The following IMPDH2 variants were observed in gnomAD, a reference collection of about 807,000 sequenced individuals.
IMPDH2 encodes the protein inosine-5'-monophosphate dehydrogenase 2.
A neutral mutation model predicts 57.8 loss-of-function variants in IMPDH2; 33 were observed. The observed-to-expected ratio is 0.57, with a 90% CI of 0.43 to 0.76. The LOEUF (loss-of-function observed/expected upper bound fraction) is 0.76, where lower values mean the gene tolerates loss of function less well. Ranked by LOEUF, IMPDH2 falls within the 30% of genes least tolerant of loss-of-function variation. The probability of loss-of-function intolerance (pLI) is 0.00; values close to 1 mark genes in which losing one functional copy is unlikely to be tolerated. For synonymous variants in IMPDH2, 270 were observed against 241.3 expected (o/e 1.12, Z -1.10); for missense variants, 446 against 659.1 (o/e 0.68, Z 3.54).
chr3:49,027,865 G>A lies in IMPDH2; in HGVS notation c.376C>T (p.Arg126Cys), dbSNP rs775921073. 20 of 1,614,064 alleles carry A rather than the reference G, an allele frequency of 1.2e-5. No individual in the cohort carries two copies. The Admixed American group carries it at 1.7e-4, about 13-fold the overall frequency. The change falls in exon 5 of 14, where the codon CGC (arginine) becomes TGC (cysteine). Residue 126 changes from arginine (R) to cysteine (C), a missense_variant. Arg to Cys is a radical substitution (Grantham distance 180). Transcript: ENST00000326739. ...TTGGCCTCAAAAACATCCCGCACGC[G>A]ATCCTTGGGGCTGAGGACCACAGGG... ...TDPVVLSPKDRVRDVFEAKAR... is the reference protein window; with the variant it reads ...TDPVVLSPKDCVRDVFEAKAR...
Position 49,024,911 on chromosome 3 carries a change from T to C in IMPDH2, c.1280A>G (p.Gln427Arg). 5 of 1,614,256 alleles carry C rather than the reference T, an allele frequency of 3.1e-6. No individual in the cohort carries two copies. Among genetic ancestry groups the C allele is most frequent in the Non-Finnish European group, 4.2e-6 (5 of 1,180,036 alleles). Residue 427 changes from glutamine to arginine, a missense_variant, in exon 11 of 14, where the codon CAG becomes CGG. Coordinates refer to ENST00000326739, the MANE Select transcript of IMPDH2 (RefSeq NM_000884.3). ...LDAMDKHLSSQNRYFSEADKI... is the reference protein window; with the variant it reads ...LDAMDKHLSSRNRYFSEADKI... ...CCTGTCCCACCTGAAATATCTGTTCTGGCTGCTGAGGTGCTTGTCCATGGC... is the reference window on the plus strand; with the variant it reads ...CCTGTCCCACCTGAAATATCTGTTCCGGCTGCTGAGGTGCTTGTCCATGGC...
intron 5 of IMPDH2, 48 bp from the exon 6 acceptor site, chr3:49,027,095 C>A (rs190064444): frequency 3.1e-4 from 426 of 1,377,126 alleles, no homozygotes; most frequent in Non-Finnish European, 4.2e-4. Flanking sequence ...CGACTATGAC[C>A]AGTTAACTCT....
chr3:49,028,275 G>C lies in IMPDH2; in HGVS notation c.297C>G (p.Phe99Leu). The change falls in exon 4 of 14, where the codon TTC becomes TTG. Residue 99 changes from phenylalanine (F) to leucine (L), a missense_variant. By Grantham distance (22) the Phe-to-Leu change is conservative. Transcript: ENST00000326739. Reference sequence around the variant, plus strand: ...TCACTTTCCGAACTTCATTGGCCTGGAATTCAGGTGTACAGTTGTGGTGGA... The same window carrying C: ...TCACTTTCCGAACTTCATTGGCCTGCAATTCAGGTGTACAGTTGTGGTGGA... ...GFIHHNCTPEFQANEVRKVKK... is the reference protein window; with the variant it reads ...GFIHHNCTPELQANEVRKVKK... The C allele has an allele frequency of 6.2e-7, 1 of 1,614,146 alleles. No individual in the cohort carries two copies. The highest frequency in any genetic ancestry group is 1.1e-5 in the South Asian group (1 of 91,082).
intron 9 of IMPDH2, chr3:49,025,859 C>T: frequency 4.8e-6 from 2 of 413,040 alleles, no homozygotes; most frequent in Non-Finnish European, 9.7e-6. Context: ...TTGAGCACCA[C>T]CCCCAAACCA....
chr3:49,024,435 G>A (rs2093188051), intron 13 of IMPDH2, 31 bp from the exon 14 acceptor site: 2 of 1,614,078 alleles, frequency 1.2e-6, no homozygotes, highest in South Asian at 1.1e-5. Flanking sequence ...TGTGAGGTGA[G>A]GGCAGGAGAA....
intron 4 of IMPDH2, 102 bp from the exon 5 acceptor site, chr3:49,028,018 G>A: frequency 1.0e-6 from 1 of 960,282 alleles, no homozygotes; most frequent in Non-Finnish European, 1.6e-6. Context: ...CTTTGGCAGT[G>A]CCACAAGACC....
chr3:49,026,415 G>C lies in IMPDH2; in HGVS notation c.915C>G (p.Val305=), dbSNP rs11557546. Residue 305 remains valine (V), a synonymous_variant, in exon 9 of 14, where the codon GTC becomes GTG. Transcript: ENST00000326739. ...PNLQVIGGNV[V]TAAQAKNLID... ...TGAGGTTCTTGGCCTGGGCAGCAGT[G>C]ACCACTATGGTGAAGGAAAGGAAAA... 372 of 1,613,308 alleles carry C rather than the reference G, an allele frequency of 2.3e-4. 1 individual carries two copies. The highest frequency in any genetic ancestry group is 7.0e-5 in the Non-Finnish European group (83 of 1,179,590).
chr3:49,027,622 G>T, intron 5 of IMPDH2, 88 bp downstream of exon 5: 3 of 1,094,664 alleles, frequency 2.7e-6, no homozygotes, highest in Non-Finnish European at 4.2e-6. Context: ...AGAGAGAAGA[G>T]GCTATCAGAG....
chr3:49,027,417 A>G (rs945198696), intron 5 of IMPDH2, among the ~76,000 whole-genome samples: 4 of 152,228 alleles, frequency 2.6e-5, no homozygotes, highest in Non-Finnish European at 5.9e-5. Flanking sequence ...CTCTTACACT[A>G]TGGAATAAGG....
At chr3:49,029,004 G>A (rs1454803079) in intron 1 of IMPDH2, 198 bp from the exon 2 acceptor site, 2 of 651,992 alleles carry the variant, frequency 3.1e-6, no homozygotes, top group Non-Finnish European at 5.6e-6. Flanking sequence ...CAGTGCTCCT[G>A]GCACCCTGAC....
At position 49,027,865 on chromosome 3, in the gene IMPDH2, G is replaced by C. The variant is rs775921073; in HGVS notation, c.376C>G (p.Arg126Gly). Residue 126 changes from arginine (R) to glycine (G), a missense_variant, in exon 5 of 14, where the codon CGC (arginine) becomes GGC (glycine). Arg to Gly is a moderately radical substitution (Grantham distance 125, BLOSUM62 -2). Transcript: ENST00000326739. ...TTGGCCTCAAAAACATCCCGCACGCGATCCTTGGGGCTGAGGACCACAGGG... is the reference window on the plus strand; with the variant it reads ...TTGGCCTCAAAAACATCCCGCACGCCATCCTTGGGGCTGAGGACCACAGGG... Reference protein sequence around the residue: ...TDPVVLSPKDRVRDVFEAKAR... With the variant: ...TDPVVLSPKDGVRDVFEAKAR... 1.1e-5 allele frequency: 18 copies of C among 1,614,182 alleles called. No individual in the cohort carries two copies. Among genetic ancestry groups the C allele is most frequent in the Non-Finnish European group, 1.5e-5 (18 of 1,180,020 alleles).
chr3:49,026,453 G>A (rs2093199996), intron 8 of IMPDH2, 34 bp from the exon 9 acceptor site: 1 of 1,605,938 alleles, frequency 6.2e-7, no homozygotes, highest in Admixed American at 1.7e-5. Flanking sequence ...CTCATGTGAA[G>A]GTTAAGGTGG....
rs749069763 is a variant in IMPDH2 at position 49,026,422 on chromosome 3, A to G, written c.911-3T>C. On this transcript the variant is annotated splice_polypyrimidine_tract_variant and splice_region_variant and intron_variant, in intron 8 of 13. Coordinates refer to ENST00000326739, the MANE Select transcript of IMPDH2 (RefSeq NM_000884.3). ...CTTGGCCTGGGCAGCAGTGACCACT[A>G]TGGTGAAGGAAAGGAAAATGCTCAT... The G allele has an allele frequency of 1.2e-6, 2 of 1,613,256 alleles. No homozygotes were observed. Among genetic ancestry groups the G allele is most frequent in the Non-Finnish European group, 1.7e-6 (2 of 1,179,354 alleles).
intron 11 of IMPDH2, 35 bp downstream of exon 11, chr3:49,024,860 AG>A: frequency 6.2e-7 from 1 of 1,614,206 alleles, no homozygotes; most frequent in Non-Finnish European, 8.5e-7. Flanking sequence ...CTGTCAGTGC[AG>A]GATTAGGGTG....
At position 49,024,437 on chromosome 3, in the gene IMPDH2, G is replaced by C. The variant is rs749424553; in HGVS notation, c.1524-33C>G. ...CAGAAGGACCACCTGTGAGGTGAGG[G>C]CAGGAGAAAGGAGGCATGAGGTATG... is the stretch of plus-strand genomic sequence containing the variant. On this transcript the variant is annotated intron_variant, in intron 13 of 13. Coordinates refer to ENST00000326739, the MANE Select transcript of IMPDH2 (RefSeq NM_000884.3). The C allele has an allele frequency of 2.5e-6, 4 of 1,614,100 alleles. No individual in the cohort carries two copies. In the Admixed American group the frequency reaches 6.7e-5, roughly 27 times the overall value.
rs371634410 is a variant in IMPDH2 at position 49,026,311 on chromosome 3, A to C, written c.1006+13T>G. Reference sequence around the variant, plus strand: ...CTGGGGTCTCTGTGGGCCCTATCAAAGTATATTCTTACCTTCCTGCGTAAT... The same window carrying C: ...CTGGGGTCTCTGTGGGCCCTATCAACGTATATTCTTACCTTCCTGCGTAAT... On this transcript the variant is annotated intron_variant, in intron 9 of 13. Coordinates refer to ENST00000326739, the MANE Select transcript of IMPDH2 (RefSeq NM_000884.3). 55 of 1,579,128 alleles carry C rather than the reference A, an allele frequency of 3.5e-5. 1 individual carries two copies. In the African/African-American group the frequency reaches 6.6e-4, roughly 19 times the overall value.
chr3:49,029,241 A>G lies in IMPDH2; in HGVS notation c.98+12T>C, dbSNP rs781232225. The G allele has an allele frequency of 1.3e-5, 20 of 1,585,544 alleles. No individual in the cohort carries two copies. The South Asian group carries it at 1.9e-4, about 15-fold the overall frequency. On this transcript the variant is annotated intron_variant, in intron 1 of 13. Transcript: ENST00000326739. ...CCCTCTCTTCGCCCAGGTGAGCCCC[A>G]TAGGCCCGCACTTGTAGGTGAGGCC...
chr3:49,027,198 G>A, intron 5 of IMPDH2, 151 bp from the exon 6 acceptor site: 2 of 674,570 alleles, frequency 3.0e-6, no homozygotes, highest in East Asian at 2.7e-5. Flanking sequence ...GTTTCACCAT[G>A]TTGGCCAGGC....
At chr3:49,029,173 G>T in intron 1 of IMPDH2, 80 bp downstream of exon 1, 2 of 1,163,828 alleles carry the variant, frequency 1.7e-6, no homozygotes, top group Non-Finnish European at 2.5e-6. Flanking sequence ...CGCCCAAGGC[G>T]GCTCTCGGAA....
Sources: gnomAD v4.1 joint callset for allele counts (sites outside exome capture counted in the v4.1 genomes callset) on GRCh38, gnomAD v4.1.1 for gene constraint, MANE v1.5 for transcripts, NCBI Gene and HGNC (gene_info 2026-07-23, HGNC 2026-07-21) for gene names.